TAF15: variants seen among roughly 807,000 people sequenced by gnomAD.
TAF15 encodes the protein TATA-binding protein-associated factor 2N.
A neutral mutation model predicts 102.5 loss-of-function variants in TAF15; 37 were observed. The observed-to-expected ratio is 0.36, with a 90% confidence interval of 0.28 to 0.47. TAF15 has a LOEUF of 0.47. TAF15 is among the 20% of genes least tolerant of loss of function. TAF15 has a pLI of 0.99. For missense variants in TAF15, 652 were observed against 760.7 expected (o/e 0.86, Z 1.68); for synonymous variants, 273 against 259.2 (o/e 1.05, Z -0.51).
chr17:35,817,433 T>A (rs2087208397), intron 1 of TAF15: 2 of 413,302 alleles, frequency 4.8e-6, no homozygotes, highest in Admixed American at 7.6e-5. Context: ...TTGCTTAAGG[T>A]CTTGAGTCTG....
intron 11 of TAF15, among the ~76,000 whole-genome samples, chr17:35,842,161 A>C (rs984011905): frequency 6.6e-5 from 10 of 151,908 alleles, no homozygotes; most frequent in African/African-American, 2.4e-4. Flanking sequence ...GCTTAGTAAG[A>C]AGTGACTGTC....
At chr17:35,834,079 TTA>T (rs144140449) in intron 8 of TAF15, 138 bp downstream of exon 8, 2,632 of 555,602 alleles carry the variant, frequency 4.7e-3, no homozygotes, top group East Asian at 7.0e-3. Flanking sequence ...AAAAAAAATT[TTA>T]TATATATATA....
intron 1 of TAF15, among the ~76,000 whole-genome samples, chr17:35,811,959 G>A (rs2087129418): frequency 6.6e-6 from 1 of 152,234 alleles, no homozygotes; most frequent in Non-Finnish European, 1.5e-5. Flanking sequence ...GAGCCAGCAT[G>A]GCAGGCAAAG....
In TAF15 at chr17:35,824,639, A is replaced by G. The variant is rs143973891; in HGVS notation, c.605+441A>G. 3.3e-5 allele frequency among the ~76,000 whole-genome samples: 5 copies of G among 152,324 alleles called. No homozygotes were observed. The East Asian group carries it at 9.6e-4, about 29-fold the overall frequency. ...GGAAAGTATTAGGAGGCAGTAATGG[A>G]GTAGAAAGGTGGGGATGGCAAATAA... On this transcript the variant is annotated intron_variant, in intron 7 of 15. Transcript: ENST00000605844.
intron 7 of TAF15, among the ~76,000 whole-genome samples, chr17:35,828,301 G>A (rs1175415162): frequency 6.6e-6 from 1 of 152,158 alleles, no homozygotes; most frequent in Admixed American, 6.5e-5. Flanking sequence ...GAAATACAAT[G>A]GAGGTCACAA....
At chr17:35,842,195 T>C (rs2087556434) in intron 11 of TAF15, among the ~76,000 whole-genome samples, 172 bp from the exon 12 acceptor site, 1 of 152,186 alleles carries the variant, frequency 6.6e-6, no homozygotes, top group Non-Finnish European at 1.5e-5. Flanking sequence ...TATGCTCTTT[T>C]CAGTAGATAA....
chr17:35,817,796 C>T, intron 2 of TAF15, 41 bp downstream of exon 2: 1 of 1,576,074 alleles, frequency 6.3e-7, no homozygotes, highest in Non-Finnish European at 8.7e-7. Context: ...AAGGGTAGAA[C>T]TGAGGTGAAT....
Position 35,847,192 on chromosome 17 carries a change from A to G in TAF15, c.*247A>G, listed in dbSNP as rs1250958524. On this transcript the variant is annotated 3_prime_UTR_variant, in exon 16 of 16. Transcript: ENST00000605844. ...GTTGTAAAATATTGCCAAAATGAAA[A>G]GTGTTTTGTAATACTGCAATAAAGG... 9.9e-6 allele frequency: 6 copies of G among 607,806 alleles called. No homozygotes were observed. The East Asian group carries it at 1.6e-4, about 17-fold the overall frequency. 37.7% of individuals were successfully genotyped at this position (607,806 alleles called of 1,614,324 possible).
intron 7 of TAF15, 35 bp from the exon 8 acceptor site, chr17:35,833,872 A>G: frequency 6.2e-7 from 1 of 1,612,514 alleles, no homozygotes; most frequent in Non-Finnish European, 8.5e-7. Flanking sequence ...TAGAGACTTA[A>G]GGAAGAAATC....
intron 7 of TAF15, among the ~76,000 whole-genome samples, chr17:35,827,625 G>A (rs542142479): frequency 6.6e-6 from 1 of 151,912 alleles, no homozygotes; most frequent in African/African-American, 2.4e-5. Context: ...AGAATCAGTT[G>A]ACCTGGGAGT....
At chr17:35,828,469 T>C (rs947212293) in intron 7 of TAF15, among the ~76,000 whole-genome samples, 7 of 152,250 alleles carry the variant, frequency 4.6e-5, no homozygotes, top group Admixed American at 4.6e-4. Flanking sequence ...CATGATGGCC[T>C]GCGCCTGTAA....
chr17:35,809,697 G>C (rs760001920), intron 1 of TAF15, 121 bp downstream of exon 1: 22 of 1,405,960 alleles, frequency 1.6e-5, no homozygotes, highest in Admixed American at 5.7e-5. Context: ...GGCTTGGGGT[G>C]GGGGGGCGGC....
chr17:35,833,028 G>A (rs533874743), intron 7 of TAF15, among the ~76,000 whole-genome samples: 56 of 152,138 alleles, frequency 3.7e-4, no homozygotes, highest in African/African-American at 1.3e-3. Context: ...GTGGCGACAC[G>A]CATCTGTAAT....
At chr17:35,834,258 G>T in intron 8 of TAF15, 1 of 388,028 alleles carries the variant, frequency 2.6e-6, no homozygotes, top group East Asian at 4.5e-5. Flanking sequence ...AGCTGACATG[G>T]TGTTTTTAAA....
intron 1 of TAF15, 38 bp downstream of exon 1, chr17:35,809,614 A>G (rs1277489455): frequency 6.2e-7 from 1 of 1,612,828 alleles, no homozygotes; most frequent in African/African-American, 1.3e-5. Context: ...CAGCGACGAG[A>G]AGGTCCTGGC....
intron 5 of TAF15, among the ~76,000 whole-genome samples, chr17:35,821,733 A>G (rs1298756196): frequency 1.3e-5 from 2 of 152,198 alleles, no homozygotes; most frequent in African/African-American, 4.8e-5. Context: ...TTTCCTTTCA[A>G]ATCGCTAGAA....
At chr17:35,809,673 C>G in intron 1 of TAF15, 97 bp downstream of exon 1, 2 of 1,569,900 alleles carry the variant, frequency 1.3e-6, no homozygotes, top group Non-Finnish European at 1.7e-6. Context: ...GGAGAAGCCT[C>G]CGGCCCTGAG....
chr17:35,837,165 C>T (rs2087485197), intron 10 of TAF15, among the ~76,000 whole-genome samples: 1 of 151,740 alleles, frequency 6.6e-6, no homozygotes, highest in Non-Finnish European at 1.5e-5. Flanking sequence ...TCGTTGTTGT[C>T]TTGAGACAGG....
intron 11 of TAF15, among the ~76,000 whole-genome samples, chr17:35,840,837 C>G (rs1366455857): frequency 1.3e-5 from 2 of 151,814 alleles, no homozygotes. Flanking sequence ...GTACTCCAGC[C>G]TGGGTGACGC....
Sources: gnomAD v4.1 joint callset for allele counts (sites outside exome capture counted in the v4.1 genomes callset) on GRCh38, gnomAD v4.1.1 for gene constraint, MANE v1.5 for transcripts, NCBI Gene and HGNC (gene_info 2026-07-23, HGNC 2026-07-21) for gene names.